MARCHF6: variants seen among roughly 807,000 people sequenced by gnomAD.
MARCHF6 encodes E3 ubiquitin-protein ligase MARCHF6.
Under a neutral mutation model 133.7 loss-of-function variants are expected in MARCHF6, and 31 were observed. The ratio of observed to expected loss-of-function variants is 0.23; its 90% confidence interval spans 0.17 to 0.31. The LOEUF is 0.31. MARCHF6 is among the 10% of genes least tolerant of loss of function. The probability of loss-of-function intolerance (pLI) is 1.00; values close to 1 mark genes in which losing one functional copy is unlikely to be tolerated. For missense variants in MARCHF6, 723 were observed against 1,121.6 expected, an observed-to-expected ratio of 0.64 and a Z score of 5.08; for synonymous variants, 395 against 402.5, an observed-to-expected ratio of 0.98 and a Z score of 0.22.
At chr5:10,422,817 G>A (rs1739894539) in intron 22 of MARCHF6, among the ~76,000 whole-genome samples, 1 of 152,072 alleles carries the variant, frequency 6.6e-6, no homozygotes, top group African/African-American at 2.4e-5. Context: ...CTTTCTATGG[G>A]ATATAGATGT....
At position 10,394,768 on chromosome 5, in the gene MARCHF6, G is replaced by A. The variant is rs1193041053; in HGVS notation, c.844G>A (p.Gly282Arg). Residue 282 changes from glycine (G) to arginine (R), a missense_variant, in exon 9 of 26, where the codon GGA (glycine) becomes AGA (arginine). Coordinates refer to ENST00000274140, the MANE Select transcript of MARCHF6 (RefSeq NM_005885.4). ...LTWERMLGLDGSLVFLEHVFW... is the reference protein window; with the variant it reads ...LTWERMLGLDRSLVFLEHVFW... Reference sequence around the variant, plus strand: ...TTTATTTTAGATGCTAGGACTTGATGGATCACTAGTTTTTCTGGTAAGTAA... The same window carrying A: ...TTTATTTTAGATGCTAGGACTTGATAGATCACTAGTTTTTCTGGTAAGTAA... 6.3e-7 allele frequency: 1 copy of A among 1,584,056 alleles called. No homozygotes were observed. The highest frequency in any genetic ancestry group is 8.6e-7 in the Non-Finnish European group (1 of 1,159,912).
intron 1 of MARCHF6, among the ~76,000 whole-genome samples, chr5:10,367,122 A>G (rs1410507633): frequency 6.6e-6 from 1 of 152,068 alleles, no homozygotes; most frequent in Non-Finnish European, 1.5e-5. Flanking sequence ...CCTGACCAGT[A>G]CTCCTTAAAA....
In MARCHF6 at chr5:10,405,694, A is replaced by ATTGTTTTT. The variant is rs1561134665; in HGVS notation, c.1452+20_1452+27dup. The ATTGTTTTT allele has an allele frequency of 1.3e-6, 2 of 1,545,784 alleles. No homozygotes were observed. Among genetic ancestry groups the ATTGTTTTT allele is most frequent in the Non-Finnish European group, 1.7e-6 (2 of 1,155,798 alleles). ...TTGTCAGTGGTAAGAAGATGTTTCC[A>ATTGTTTTT]TTGTTTTTTTTTTTTGAATTAATTG... On this transcript the variant is annotated intron_variant, in intron 16 of 25. Coordinates refer to ENST00000274140, the MANE Select transcript of MARCHF6 (RefSeq NM_005885.4).
chr5:10,434,270 C>T lies in MARCHF6; in HGVS notation c.*586C>T, dbSNP rs1027520486. On this transcript the variant is annotated 3_prime_UTR_variant, in exon 26 of 26. Coordinates refer to ENST00000274140, the MANE Select transcript of MARCHF6 (RefSeq NM_005885.4). ...TTTGTGGAAGTTATTTTGTATAACA[C>T]CAAAGCTGTTGTACATTTCCTACTG... The T allele has an allele frequency of 2.0e-5, 3 of 153,154 alleles. No homozygotes were observed. Among genetic ancestry groups the T allele is most frequent in the African/African-American group, 7.2e-5 (3 of 41,406 alleles). 9.5% of individuals were successfully genotyped at this position (153,154 alleles called of 1,614,324 possible).
intron 1 of MARCHF6, among the ~76,000 whole-genome samples, chr5:10,370,484 A>G (rs1469178956): frequency 1.3e-5 from 2 of 152,208 alleles, no homozygotes; most frequent in Non-Finnish European, 2.9e-5. Flanking sequence ...TTTTAAGTAT[A>G]TACTTCAGTG....
At chr5:10,366,269 T>C (rs887762031) in intron 1 of MARCHF6, among the ~76,000 whole-genome samples, 5 of 152,244 alleles carry the variant, frequency 3.3e-5, no homozygotes, top group Non-Finnish European at 2.9e-5. Flanking sequence ...ATATAGTGAA[T>C]GTGCACCATT....
chr5:10,390,230 T>G, intron 5 of MARCHF6, 102 bp from the exon 6 acceptor site: 1 of 844,852 alleles, frequency 1.2e-6, no homozygotes, highest in Non-Finnish European at 1.8e-6. Context: ...TTCTGGCTGT[T>G]TTTTTTTTTT....
intron 11 of MARCHF6, chr5:10,401,461 T>G (rs1738530283): frequency 6.5e-6 from 1 of 153,462 alleles, no homozygotes. Context: ...TCTCACTAGT[T>G]GAATGCAAGA....
rs1329947897 is a variant in MARCHF6 at position 10,390,487 on chromosome 5, A to T, written c.563A>T (p.His188Leu). The change falls in exon 6 of 26, where the codon CAT (histidine) becomes CTT (leucine). Residue 188 changes from histidine to leucine, a missense_variant. Physicochemically the swap from His to Leu is moderately conservative, Grantham distance 99 (BLOSUM62 -3). This residue lies in a region of MARCHF6 where 97 missense variants were observed against 115.4 expected (regional missense o/e 0.84). Transcript: ENST00000274140. Reference sequence around the variant, plus strand: ...GCCCCACCGTTCAATGCTGCGGGGCATCACCAAAATGAGGTAACTCCCCTA... The same window carrying T: ...GCCCCACCGTTCAATGCTGCGGGGCTTCACCAAAATGAGGTAACTCCCCTA... ...HAAPPFNAAG[H>L]HQNEAPAGGN... is the part of the protein sequence containing the mutation. 6 of 1,612,824 alleles carry T rather than the reference A, an allele frequency of 3.7e-6. No homozygotes were observed. The South Asian group carries it at 6.6e-5, about 18-fold the overall frequency.
intron 22 of MARCHF6, among the ~76,000 whole-genome samples, chr5:10,417,850 C>G (rs1739601825): frequency 6.6e-6 from 1 of 150,466 alleles, no homozygotes. Context: ...TTGTTTAATG[C>G]TCTTTAATCT....
intron 8 of MARCHF6, 123 bp from the exon 9 acceptor site, chr5:10,394,630 A>G (rs928688733): frequency 2.2e-5 from 15 of 669,030 alleles, no homozygotes; most frequent in South Asian, 3.6e-5. Context: ...AGTATTGGAA[A>G]GTATAGGAAG....
intron 22 of MARCHF6, among the ~76,000 whole-genome samples, chr5:10,421,566 T>C (rs912311558): frequency 1.3e-5 from 2 of 152,240 alleles, no homozygotes; most frequent in African/African-American, 2.4e-5. Context: ...CCAGTTGGAA[T>C]TCTAGCAGAG....
chr5:10,377,751 A>G, intron 1 of MARCHF6, 47 bp from the exon 2 acceptor site: 3 of 1,396,224 alleles, frequency 2.1e-6, no homozygotes, highest in Non-Finnish European at 3.0e-6. Context: ...TGCTTTTTTA[A>G]AAAAGTTATA....
At chr5:10,380,831 G>A (rs1737090706) in intron 3 of MARCHF6, among the ~76,000 whole-genome samples, 1 of 151,910 alleles carries the variant, frequency 6.6e-6, no homozygotes, top group South Asian at 2.1e-4. Context: ...GGAGCCTGAG[G>A]CAGGAGAATC....
intron 4 of MARCHF6, among the ~76,000 whole-genome samples, chr5:10,385,989 T>C (rs1237963193): frequency 6.6e-6 from 1 of 152,144 alleles, no homozygotes; most frequent in Non-Finnish European, 1.5e-5. Context: ...CATCGTATCC[T>C]GGTGGTCTTT....
chr5:10,380,926 CAAAA>C (rs200519303), intron 3 of MARCHF6, among the ~76,000 whole-genome samples: 2 of 98,386 alleles, frequency 2.0e-5, no homozygotes. Flanking sequence ...GACTCTGACT[CAAAA>C]AAAAAAAAAA....
chr5:10,390,543 T>C, intron 6 of MARCHF6, 43 bp downstream of exon 6: 7 of 1,541,144 alleles, frequency 4.5e-6, no homozygotes, highest in Non-Finnish European at 6.2e-6. Context: ...AGGTAGGTCA[T>C]GAGAATTATT....
intron 4 of MARCHF6, 79 bp downstream of exon 4, chr5:10,382,022 T>A: frequency 7.5e-7 from 1 of 1,338,098 alleles, no homozygotes; most frequent in Non-Finnish European, 1.1e-6. Flanking sequence ...TTGCATCATA[T>A]TATTATTTGA....
At chr5:10,362,390 T>C (rs1324657874) in intron 1 of MARCHF6, among the ~76,000 whole-genome samples, 1 of 152,216 alleles carries the variant, frequency 6.6e-6, no homozygotes, top group Non-Finnish European at 1.5e-5. Context: ...TTGAAGAGCA[T>C]TGATGTAGCT....
Sources: gnomAD v4.1 joint callset for allele counts (sites outside exome capture counted in the v4.1 genomes callset) on GRCh38, gnomAD v4.1.1 for gene constraint, gnomAD v4.1.1 regional missense constraint, MANE v1.5 for transcripts, NCBI Gene and HGNC (gene_info 2026-07-23, HGNC 2026-07-21) for gene names.